The following UHRF1 variants were observed in gnomAD, a reference collection of about 807,000 sequenced individuals.
UHRF1 encodes the protein E3 ubiquitin-protein ligase UHRF1.
A neutral mutation model predicts 96.5 loss-of-function variants in UHRF1; 9 were observed. The ratio of observed to expected loss-of-function variants is 0.09; its 90% confidence interval spans 0.06 to 0.16. UHRF1 has a LOEUF of 0.16. Ranked by LOEUF, UHRF1 falls within the 10% of genes least tolerant of loss-of-function variation. The pLI is 1.00. For missense variants in UHRF1, 626 were observed against 1,131.1 expected, an observed-to-expected ratio of 0.55 and a Z score of 6.40; for synonymous variants, 455 against 469.9, an observed-to-expected ratio of 0.97 and a Z score of 0.41.
intron 2 of UHRF1, among the ~76,000 whole-genome samples, chr19:4,920,919 A>G (rs542781948): frequency 5.3e-5 from 8 of 151,870 alleles, no homozygotes; most frequent in African/African-American, 1.9e-4. Flanking sequence ...AGGTCAAGAG[A>G]TCGAAACCAT....
chr19:4,949,393 T>A (rs17886224), intron 11 of UHRF1, among the ~76,000 whole-genome samples: 12 of 144,618 alleles, frequency 8.3e-5, no homozygotes, highest in South Asian at 4.6e-4. Context: ...CTTTGAAAAA[T>A]GTCTTTAGGA....
chr19:4,940,601 C>T (rs1345057759), intron 5 of UHRF1, among the ~76,000 whole-genome samples: 1 of 151,150 alleles, frequency 6.6e-6, no homozygotes, highest in Non-Finnish European at 1.5e-5. Context: ...TCCTGACCCT[C>T]GTGATCCACC....
intron 16 of UHRF1, 97 bp from the exon 17 acceptor site, chr19:4,960,560 G>A: frequency 6.6e-7 from 1 of 1,506,614 alleles, no homozygotes; most frequent in South Asian, 1.2e-5. Context: ...GGGGCCTCTG[G>A]ACCTGGTGAG....
At chr19:4,941,080 G>GTTTTTTT (rs1171655897) in intron 5 of UHRF1, among the ~76,000 whole-genome samples, 24 of 112,838 alleles carry the variant, frequency 2.1e-4, no homozygotes, top group African/African-American at 5.3e-4. Flanking sequence ...TGGTTTCTGT[G>GTTTTTTT]TTTTGTTTTT....
In UHRF1 at chr19:4,932,891, C is replaced by G. The variant is rs576532745; in HGVS notation, c.720C>G (p.Asp240Glu). 6.2e-7 allele frequency: 1 copy of G among 1,613,818 alleles called. No individual in the cohort carries two copies. The highest frequency in any genetic ancestry group is 8.5e-7 in the Non-Finnish European group (1 of 1,179,886). ...CCAAGGAGCGGGGCTTCTGGTACGA[C>G]GCGGAGATCTCCAGGAAGCGCGAGA... ...DNPKERGFWY[D>E]AEISRKRETR... Residue 240 changes from aspartate to glutamate, a missense_variant, in exon 5 of 17, where the codon GAC (aspartate) becomes GAG (glutamate). Asp to Glu is a conservative substitution (Grantham distance 45). This residue lies in a region of UHRF1 where 198 missense variants were observed against 235.1 expected (regional missense o/e 0.84). Coordinates refer to ENST00000650932, the MANE Select transcript of UHRF1 (RefSeq NM_001048201.3).
Position 4,930,992 on chromosome 19 carries a change from GC to G in UHRF1, c.569+120del. 1 of 1,466,534 alleles carries G rather than the reference GC, an allele frequency of 6.8e-7. No homozygotes were observed. Among genetic ancestry groups the G allele is most frequent in the Non-Finnish European group, 9.3e-7 (1 of 1,080,126 alleles). 90.8% of individuals were successfully genotyped at this position (1,466,534 alleles called of 1,614,324 possible). On this transcript the variant is annotated intron_variant, in intron 4 of 16. Transcript: ENST00000650932. The surrounding 1 kb of genome is among the most constrained non-coding windows in gnomAD (Gnocchi z 4.4). The stretch of plus-strand genomic sequence containing the variant: ...CTCGAGATGGTGATCAGGATCTGGG[GC>G]CCCATCCTCGAATTCCTAACAGCAT...
Position 4,941,863 on chromosome 19 carries a change from G to A in UHRF1, c.1005G>A (p.Glu335=), listed in dbSNP as rs747526156. 4.0e-5 allele frequency: 62 copies of A among 1,562,212 alleles called. No homozygotes were observed. Among genetic ancestry groups the A allele is most frequent in the Non-Finnish European group, 5.0e-5 (58 of 1,154,978 alleles). Residue 335 remains glutamate, a synonymous_variant, in exon 7 of 17, where the codon GAG becomes GAA. Coordinates refer to ENST00000650932, the MANE Select transcript of UHRF1 (RefSeq NM_001048201.3). ...QDPDKQLMCD[E]CDMAFHIYCL... ...CCGACAAGCAGCTCATGTGCGATGA[G>A]TGCGACATGGCCTTCCACATCTACT... is the stretch of plus-strand genomic sequence containing the variant.
At chr19:4,937,144 T>C (rs1180438934) in intron 5 of UHRF1, among the ~76,000 whole-genome samples, 3 of 152,186 alleles carry the variant, frequency 2.0e-5, no homozygotes, top group Admixed American at 2.0e-4. Flanking sequence ...GGATTCCCGT[T>C]ATATAAATGG....
At position 4,942,419 on chromosome 19, in the gene UHRF1, T is replaced by G. The variant is rs904743589; in HGVS notation, c.1073+488T>G. On this transcript the variant is annotated intron_variant, in intron 7 of 16. Transcript: ENST00000650932. ...GTTAGCCAGGATGTTCTTGATCCCC[T>G]GACCTCGTGATCCGTCCGTTTCGGC... is the stretch of plus-strand genomic sequence containing the variant. 7.2e-5 allele frequency among the ~76,000 whole-genome samples: 11 copies of G among 152,028 alleles called. No individual in the cohort carries two copies. In the East Asian group the frequency reaches 2.0e-3, roughly 27 times the overall value.
At chr19:4,938,988 C>A (rs2033303085) in intron 5 of UHRF1, among the ~76,000 whole-genome samples, 1 of 151,638 alleles carries the variant, frequency 6.6e-6, no homozygotes, top group African/African-American at 2.4e-5. Flanking sequence ...ATCTTGGTTC[C>A]CTGCAACCTC....
At chr19:4,951,855 T>A (rs1446179445) in intron 13 of UHRF1, among the ~76,000 whole-genome samples, 1 of 152,122 alleles carries the variant, frequency 6.6e-6, no homozygotes, top group Non-Finnish European at 1.5e-5. Context: ...GGCGCAGCAT[T>A]TCAGCACCAG....
At chr19:4,917,070 T>TGGG (rs397697524) in intron 2 of UHRF1, among the ~76,000 whole-genome samples, 7 of 69,562 alleles carry the variant, frequency 1.0e-4, no homozygotes, top group African/African-American at 2.1e-4. Flanking sequence ...GGCAGCTCGG[T>TGGG]GGGGGGGGGG....
At chr19:4,932,568 T>G (rs1482055427) in intron 4 of UHRF1, 173 bp from the exon 5 acceptor site, 2 of 670,026 alleles carry the variant, frequency 3.0e-6, no homozygotes, top group Admixed American at 2.9e-5. Context: ...ATAACAATTT[T>G]GTACCTGGAA....
intron 16 of UHRF1, among the ~76,000 whole-genome samples, chr19:4,960,282 G>A (rs564405107): frequency 1.3e-5 from 2 of 152,348 alleles, no homozygotes; most frequent in South Asian, 4.1e-4. Flanking sequence ...ATATAACACG[G>A]CTCCACAGGT....
At chr19:4,955,449 C>T (rs7257564) in intron 15 of UHRF1, among the ~76,000 whole-genome samples, 358 of 152,250 alleles carry the variant, frequency 2.4e-3, no homozygotes, top group African/African-American at 8.1e-3. Flanking sequence ...AGGCCCCCCG[C>T]CTCACCCAGG....
chr19:4,950,908 G>A lies in UHRF1; in HGVS notation c.1730G>A (p.Arg577His). 2 of 1,613,632 alleles carry A rather than the reference G, an allele frequency of 1.2e-6. No homozygotes were observed. The highest frequency in any genetic ancestry group is 1.7e-5 in the Admixed American group (1 of 59,998). ...EKGKSGFLVW[R>H]YLLRRDDDEP... ...GGGAAGTCCGGGTTTCTCGTGTGGC[G>A]CTACCTTCTGCGGAGGGACGATGAT... The change falls in exon 13 of 17, where the codon CGC becomes CAC. Residue 577 changes from arginine (R) to histidine (H), a missense_variant. This residue lies in a region of UHRF1 where 61 missense variants were observed against 199.2 expected (regional missense o/e 0.31). Transcript: ENST00000650932.
rs2033792414 is a variant in UHRF1, at chr19:4,954,268, T to A, written c.1819-82T>A. 1.3e-6 allele frequency: 2 copies of A among 1,551,268 alleles called. No individual in the cohort carries two copies. Among genetic ancestry groups the A allele is most frequent in the East Asian group, 2.4e-5 (1 of 41,918 alleles). On this transcript the variant is annotated intron_variant, in intron 13 of 16. Transcript: ENST00000650932. This position sits in a 1 kb window ranked among gnomAD's most constrained non-coding sequence, Gnocchi z 5.9. ...TCAGGTGTGTCTGGAAACCCAGACC[T>A]GGCAAGGAGGCTGGAAGAGCGGGCT...
intron 10 of UHRF1, among the ~76,000 whole-genome samples, chr19:4,946,274 C>T (rs917961873): frequency 3.3e-5 from 5 of 151,980 alleles, no homozygotes; most frequent in Non-Finnish European, 4.4e-5. Flanking sequence ...TGGAATCGCA[C>T]GGCCTGCGTC....
intron 9 of UHRF1, among the ~76,000 whole-genome samples, chr19:4,945,073 GC>G (rs754708196): frequency 1.3e-5 from 2 of 152,172 alleles, no homozygotes; most frequent in Non-Finnish European, 2.9e-5. Flanking sequence ...AGTTCATGGG[GC>G]CAGGCGTGCA....
Sources: gnomAD v4.1 joint callset for allele counts (sites outside exome capture counted in the v4.1 genomes callset) on GRCh38, gnomAD v4.1.1 for gene constraint, gnomAD v4.1.1 regional missense constraint, Gnocchi (gnomAD v3.1) non-coding constraint, MANE v1.5 for transcripts, NCBI Gene and HGNC (gene_info 2026-07-23, HGNC 2026-07-21) for gene names.